SCARA5: variants seen among roughly 807,000 people sequenced by gnomAD.
The protein encoded by SCARA5 is scavenger receptor class A member 5.
SCARA5 carries 45 observed loss-of-function variants against 46.3 expected under a neutral mutation model. That is an observed-to-expected ratio of 0.97 (90% confidence interval 0.76 to 1.24). The LOEUF is 1.24. Ranked by LOEUF, SCARA5 falls within the 50% of genes most tolerant of loss-of-function variation. The pLI, the probability that SCARA5 is intolerant of heterozygous loss-of-function variation, is 0.00. For synonymous variants in SCARA5, 333 were observed against 306.5 expected (o/e 1.09, Z -0.90); for missense variants, 680 against 689.0 (o/e 0.99, Z 0.15).
chr8:27,968,163 T>C (rs918131292), intron 2 of SCARA5, among the ~76,000 whole-genome samples: 1 of 151,892 alleles, frequency 6.6e-6, no homozygotes, highest in African/African-American at 2.4e-5. Context: ...GTGGTGACTA[T>C]TGGTACCTTA....
At chr8:27,964,793 C>A (rs1346863567) in intron 3 of SCARA5, among the ~76,000 whole-genome samples, 1 of 152,102 alleles carries the variant, frequency 6.6e-6, no homozygotes, top group Non-Finnish European at 1.5e-5. Context: ...AAACCCCCCA[C>A]CAGCCTGGTC....
intron 4 of SCARA5, 69 bp downstream of exon 4, chr8:27,921,502 G>A (rs1807582803): frequency 7.4e-7 from 1 of 1,356,864 alleles, no homozygotes; most frequent in African/African-American, 1.5e-5. Context: ...GGTCCTTGGG[G>A]AGGGGCGTGC....
At chr8:27,878,722 G>A (rs77961252) in intron 8 of SCARA5, among the ~76,000 whole-genome samples, 1,977 of 152,268 alleles carry the variant, frequency 0.013, 92 homozygotes, top group East Asian at 0.13. Context: ...CCTAAACATC[G>A]GGTCTGACAT....
At chr8:27,893,182 T>TA (rs1176410231) in intron 7 of SCARA5, among the ~76,000 whole-genome samples, 2 of 152,198 alleles carry the variant, frequency 1.3e-5, no homozygotes, top group Non-Finnish European at 2.9e-5. Context: ...AGTCTCCTCC[T>TA]AACTTCTGTT....
At chr8:27,969,760 C>G (rs1169118449) in intron 2 of SCARA5, among the ~76,000 whole-genome samples, 1 of 151,970 alleles carries the variant, frequency 6.6e-6, no homozygotes, top group Non-Finnish European at 1.5e-5. Context: ...GGGTGGCAGG[C>G]GGGGTATATG....
intron 2 of SCARA5, among the ~76,000 whole-genome samples, chr8:27,971,158 G>A (rs1341680785): frequency 6.6e-6 from 1 of 152,246 alleles, no homozygotes; most frequent in Admixed American, 6.5e-5. Context: ...CCTTTCAGAT[G>A]CAGCCTTGGG....
chr8:27,923,490 G>A (rs754398730), intron 3 of SCARA5, among the ~76,000 whole-genome samples: 1 of 152,172 alleles, frequency 6.6e-6, no homozygotes, highest in Non-Finnish European at 1.5e-5. Flanking sequence ...ACAATCCAAT[G>A]AAGACTGCTT....
chr8:27,930,651 C>G (rs1341709853), intron 3 of SCARA5, among the ~76,000 whole-genome samples: 1 of 152,204 alleles, frequency 6.6e-6, no homozygotes, highest in Non-Finnish European at 1.5e-5. Context: ...ATCCGCCCCC[C>G]TCGGCCACCC....
At chr8:27,975,698 T>C (rs971911060) in intron 2 of SCARA5, among the ~76,000 whole-genome samples, 1 of 151,850 alleles carries the variant, frequency 6.6e-6, no homozygotes, top group African/African-American at 2.4e-5. Context: ...ACATTTTGGT[T>C]TTTTTTTCCT....
chr8:27,977,443 G>A (rs530301651), intron 2 of SCARA5, among the ~76,000 whole-genome samples: 27 of 152,238 alleles, frequency 1.8e-4, no homozygotes, highest in Non-Finnish European at 3.2e-4. Context: ...CGGATCAGCC[G>A]TGAAACCTCA....
chr8:27,986,004 C>T (rs948397002), intron 2 of SCARA5, among the ~76,000 whole-genome samples: 14 of 152,232 alleles, frequency 9.2e-5, no homozygotes, highest in African/African-American at 2.4e-4. Flanking sequence ...ACATCTGACC[C>T]CTCCCACCCC....
At chr8:27,989,594 C>T (rs114521177) in intron 1 of SCARA5, among the ~76,000 whole-genome samples, 4,400 of 152,276 alleles carry the variant, frequency 0.029, 219 homozygotes, top group African/African-American at 0.099. Flanking sequence ...AACGGGCACA[C>T]ACACGCATGT....
chr8:27,940,760 G>GTCCACCCATCCA lies in SCARA5; in HGVS notation c.242-18516_242-18515insTGGATGGGTGGA, dbSNP rs1554573613. Among the ~76,000 whole-genome samples, 186 of 128,364 alleles carry GTCCACCCATCCA rather than the reference G, an allele frequency of 1.4e-3. 1 individual carries two copies. Among genetic ancestry groups the GTCCACCCATCCA allele is most frequent in the African/African-American group, 5.4e-3 (181 of 33,482 alleles). The allele number at this position is 128,364 out of a possible 152,430, so 84.2% of individuals were successfully genotyped here. A position where few individuals can be genotyped will look rare whatever the true frequency, so the allele number is the denominator to read the frequency against. On this transcript the variant is annotated intron_variant, in intron 3 of 8. Coordinates refer to ENST00000354914, the MANE Select transcript of SCARA5 (RefSeq NM_173833.6). ...TGCCCATCCACCCACCCAACCATCTGTCCATCCATCCATCCATCCATCCAT... is the reference window on the plus strand; with the variant it reads ...TGCCCATCCACCCACCCAACCATCTGTCCACCCATCCATCCATCCATCCATCCATCCATCCAT...
In SCARA5 at chr8:27,909,653, C is replaced by A. The variant is rs552753730; in HGVS notation, c.997+10G>T. On this transcript the variant is annotated intron_variant, in intron 5 of 8. Transcript: ENST00000354914. ...CTCTCCCAGGTACCACCCAGGGGCA[C>A]GCTCATTACCTCGAAGTCCAGGCAA... is the stretch of plus-strand genomic sequence containing the variant. 2 of 1,533,410 alleles carry A rather than the reference C, an allele frequency of 1.3e-6. No homozygotes were observed. Among genetic ancestry groups the A allele is most frequent in the Non-Finnish European group, 1.8e-6 (2 of 1,130,642 alleles). 95.0% of individuals were successfully genotyped at this position (1,533,410 alleles called of 1,614,324 possible). A position where few individuals can be genotyped will look rare whatever the true frequency, so the allele number is the denominator to read the frequency against.
intron 3 of SCARA5, among the ~76,000 whole-genome samples, chr8:27,927,628 C>A (rs760478853): frequency 8.5e-5 from 13 of 152,098 alleles, no homozygotes; most frequent in Non-Finnish European, 1.8e-4. Flanking sequence ...CATTCTCTTA[C>A]TGTTGAATCC....
At position 27,871,722 on chromosome 8, in the gene SCARA5, C is replaced by G; in HGVS notation, c.*212G>C. 7.1e-7 allele frequency: 1 copy of G among 1,402,836 alleles called. No homozygotes were observed. Among genetic ancestry groups the G allele is most frequent in the South Asian group, 1.6e-5 (1 of 62,224 alleles). 86.9% of individuals were successfully genotyped at this position (1,402,836 alleles called of 1,614,324 possible). Reference sequence around the variant, plus strand: ...GCAGGAACCTGGTGGAAGAGAGAGACGGGCAGTAGGTCCCAGAGTTATACT... The same window carrying G: ...GCAGGAACCTGGTGGAAGAGAGAGAGGGGCAGTAGGTCCCAGAGTTATACT... On this transcript the variant is annotated 3_prime_UTR_variant, in exon 9 of 9. Transcript: ENST00000354914.
At chr8:27,914,086 T>G (rs1342503847) in intron 4 of SCARA5, among the ~76,000 whole-genome samples, 6 of 152,154 alleles carry the variant, frequency 3.9e-5, no homozygotes, top group Non-Finnish European at 8.8e-5. Flanking sequence ...GGTCTTTCCC[T>G]TGCTGTTCTC....
intron 3 of SCARA5, among the ~76,000 whole-genome samples, chr8:27,937,584 G>T (rs556212132): frequency 6.6e-6 from 1 of 152,150 alleles, no homozygotes; most frequent in Non-Finnish European, 1.5e-5. Context: ...CCAAGGCCCT[G>T]GCTCCGGCTC....
intron 4 of SCARA5, among the ~76,000 whole-genome samples, chr8:27,919,163 AAGGGGATGGGAAGAGGAAG>A (rs1489986103): frequency 4.0e-5 from 5 of 124,470 alleles, no homozygotes; most frequent in African/African-American, 1.6e-4. Flanking sequence ...GAAGAGGAAG[AAGGGGATGGGAAGAGGAAG>A]AGGGGAAAGA....
Sources: gnomAD v4.1 joint callset for allele counts (sites outside exome capture counted in the v4.1 genomes callset) on GRCh38, gnomAD v4.1.1 for gene constraint, MANE v1.5 for transcripts, NCBI Gene and HGNC (gene_info 2026-07-23, HGNC 2026-07-21) for gene names.